FOXP2: variants seen among roughly 807,000 people sequenced by gnomAD.
The protein encoded by FOXP2 is forkhead box protein P2.
FOXP2 carries 12 observed loss-of-function variants against 115.8 expected under a neutral mutation model. That is an observed-to-expected ratio of 0.10 (90% CI 0.07 to 0.17). The LOEUF is 0.17. Ranked by LOEUF, FOXP2 falls within the 10% of genes least tolerant of loss-of-function variation. The probability of loss-of-function intolerance (pLI) is 1.00; values close to 1 mark genes in which losing one functional copy is unlikely to be tolerated. For missense variants in FOXP2, 629 were observed against 843.5 expected (o/e 0.75, Z 3.15); for synonymous variants, 328 against 297.7 (o/e 1.10, Z -1.05).
intron 2 of FOXP2, among the ~76,000 whole-genome samples, chr7:114,439,374 T>C (rs968568559): frequency 6.6e-6 from 1 of 152,152 alleles, no homozygotes; most frequent in Non-Finnish European, 1.5e-5. Flanking sequence ...GCTAAAGCTT[T>C]ATATATTTTT....
intron 2 of FOXP2, among the ~76,000 whole-genome samples, chr7:114,520,433 C>G (rs1798561986): frequency 6.6e-6 from 1 of 152,066 alleles, no homozygotes; most frequent in Admixed American, 6.6e-5. Context: ...GCAACACTAT[C>G]AGGTAATTTT....
chr7:114,277,094 C>T (rs1051513906), intron 1 of FOXP2, among the ~76,000 whole-genome samples: 6 of 152,036 alleles, frequency 3.9e-5, no homozygotes, highest in East Asian at 1.9e-4. Context: ...GTTTAGAAGT[C>T]GGAACCCACT....
At chr7:114,513,175 T>C (rs1422403720) in intron 2 of FOXP2, among the ~76,000 whole-genome samples, 1 of 152,186 alleles carries the variant, frequency 6.6e-6, no homozygotes, top group Non-Finnish European at 1.5e-5. Flanking sequence ...TTTGAGGAGA[T>C]TTAATGAAAT....
At chr7:114,257,603 G>A (rs948892968) in intron 1 of FOXP2, among the ~76,000 whole-genome samples, 4 of 151,684 alleles carry the variant, frequency 2.6e-5, no homozygotes, top group African/African-American at 9.7e-5. Flanking sequence ...ACACGAGCCT[G>A]CCACCATGCC....
intron 2 of FOXP2, among the ~76,000 whole-genome samples, chr7:114,328,386 G>C (rs1315940447): frequency 6.6e-6 from 1 of 151,730 alleles, no homozygotes; most frequent in African/African-American, 2.4e-5. Flanking sequence ...ACAGGTGCCC[G>C]CCACCACGCC....
At chr7:114,105,492 T>C (rs533383735) in intron 1 of FOXP2, among the ~76,000 whole-genome samples, 6 of 152,184 alleles carry the variant, frequency 3.9e-5, no homozygotes, top group Admixed American at 3.3e-4. Flanking sequence ...AGTAATTTAG[T>C]TTATTTATTT....
intron 1 of FOXP2, among the ~76,000 whole-genome samples, chr7:114,187,318 A>G (rs180777445): frequency 2.6e-5 from 4 of 152,340 alleles, no homozygotes; most frequent in African/African-American, 7.2e-5. Context: ...AGCTGCTTAG[A>G]TAATTCTTCA....
intron 2 of FOXP2, among the ~76,000 whole-genome samples, chr7:114,292,430 CTAAT>C (rs1261092767): frequency 4.6e-4 from 70 of 152,186 alleles, no homozygotes. Context: ...AACCACCAGA[CTAAT>C]TACAGCCTAG....
chr7:114,429,990 T>G (rs1476779269), intron 2 of FOXP2, among the ~76,000 whole-genome samples: 1 of 151,694 alleles, frequency 6.6e-6, no homozygotes, highest in African/African-American at 2.4e-5. Context: ...TTTGAAAGAC[T>G]GTTTATGTGT....
intron 6 of FOXP2, among the ~76,000 whole-genome samples, chr7:114,639,605 G>C (rs535725651): frequency 1.3e-5 from 2 of 152,246 alleles, no homozygotes; most frequent in East Asian, 3.9e-4. Flanking sequence ...AGTATGGTTG[G>C]AAACTTAGAG....
chr7:114,110,345 G>T (rs2129142071), intron 1 of FOXP2, among the ~76,000 whole-genome samples: 1 of 152,156 alleles, frequency 6.6e-6, no homozygotes, highest in South Asian at 2.1e-4. Context: ...AAAAGTATAT[G>T]TCAAAATTAA....
chr7:114,462,481 C>T (rs1414849246), intron 2 of FOXP2, among the ~76,000 whole-genome samples: 1 of 149,086 alleles, frequency 6.7e-6, no homozygotes, highest in African/African-American at 2.5e-5. Flanking sequence ...AAGCGATTCT[C>T]CTGCCTCAGC....
At chr7:114,194,181 T>A (rs1056822993) in intron 1 of FOXP2, among the ~76,000 whole-genome samples, 5 of 152,154 alleles carry the variant, frequency 3.3e-5, no homozygotes, top group Admixed American at 6.5e-5. Context: ...CAACTGCTTT[T>A]ATTTTACTTT....
chr7:114,495,441 A>G (rs552768508), intron 2 of FOXP2, among the ~76,000 whole-genome samples: 133 of 127,096 alleles, frequency 1.0e-3, no homozygotes, highest in South Asian at 2.4e-3. Flanking sequence ...ACTTTGGTAC[A>G]TTTTTATTTT....
intron 2 of FOXP2, among the ~76,000 whole-genome samples, chr7:114,294,905 TGC>T (rs1796704529): frequency 3.3e-5 from 5 of 152,072 alleles, no homozygotes; most frequent in African/African-American, 7.2e-5. Flanking sequence ...CATGCATGCA[TGC>T]ATATATACAT....
intron 2 of FOXP2, among the ~76,000 whole-genome samples, chr7:114,518,964 T>C (rs1395304843): frequency 6.6e-6 from 1 of 152,194 alleles, no homozygotes; most frequent in Non-Finnish European, 1.5e-5. Context: ...CTTTGTACTA[T>C]GTGTCTATTC....
At chr7:114,279,347 A>C (rs1796271358) in intron 1 of FOXP2, among the ~76,000 whole-genome samples, 1 of 152,214 alleles carries the variant, frequency 6.6e-6, no homozygotes, top group Admixed American at 6.5e-5. Flanking sequence ...CAACTGATAG[A>C]ACATGAAAAT....
At chr7:114,236,849 C>G (rs1277120599) in intron 1 of FOXP2, among the ~76,000 whole-genome samples, 1 of 151,980 alleles carries the variant, frequency 6.6e-6, no homozygotes, top group Non-Finnish European at 1.5e-5. Flanking sequence ...TGGTGGTGGA[C>G]ACCTGTAATC....
chr7:114,520,731 A>G (rs1399043020), intron 2 of FOXP2, among the ~76,000 whole-genome samples: 1 of 152,128 alleles, frequency 6.6e-6, no homozygotes, highest in Non-Finnish European at 1.5e-5. Flanking sequence ...AAAGCAAGGT[A>G]AAATATTTTT....
Sources: gnomAD v4.1 joint callset for allele counts (sites outside exome capture counted in the v4.1 genomes callset) on GRCh38, gnomAD v4.1.1 for gene constraint, MANE v1.5 for transcripts, NCBI Gene and HGNC (gene_info 2026-07-23, HGNC 2026-07-21) for gene names.